Variants in SCAMP2 observed in about 807,000 individuals in gnomAD.
SCAMP2 encodes secretory carrier membrane protein 2.
A neutral mutation model predicts 44.1 loss-of-function variants in SCAMP2; 25 were observed. The observed-to-expected ratio is 0.57, with a 90% CI of 0.41 to 0.79. The LOEUF (loss-of-function observed/expected upper bound fraction) is 0.79, where lower values mean the gene tolerates loss of function less well. Ranked by LOEUF, SCAMP2 falls within the 30% of genes least tolerant of loss-of-function variation. The pLI is 0.00. For missense variants in SCAMP2, 355 were observed against 411.0 expected (o/e 0.86, Z 1.18); for synonymous variants, 156 against 166.0 (o/e 0.94, Z 0.46).
At chr15:74,857,293 A>G (rs1268549122) in intron 1 of SCAMP2, among the ~76,000 whole-genome samples, 2 of 152,220 alleles carry the variant, frequency 1.3e-5, no homozygotes, top group African/African-American at 4.8e-5. Context: ...CAACTTGGAC[A>G]AAGTGACAAG....
At chr15:74,848,332 T>C in intron 7 of SCAMP2, 1 of 306,650 alleles carries the variant, frequency 3.3e-6, no homozygotes, top group Non-Finnish European at 6.0e-6. Flanking sequence ...CCTCCCAAAG[T>C]ACTGGGATTC....
intron 7 of SCAMP2, 194 bp downstream of exon 7, chr15:74,848,405 GA>G (rs575795465): frequency 2.0e-4 from 99 of 492,092 alleles, no homozygotes; most frequent in South Asian, 3.8e-4. Context: ...GTATCAAGGA[GA>G]AAAAAAAAGT....
At chr15:74,865,074 CAAAAAAAAAAAA>C (rs36079981) in intron 1 of SCAMP2, among the ~76,000 whole-genome samples, 1 of 32,814 alleles carries the variant, frequency 3.0e-5, no homozygotes, top group African/African-American at 1.4e-4. Flanking sequence ...GACTCTATCT[CAAAAAAAAAAAA>C]AAAAAAAAAA....
At chr15:74,855,868 C>T (rs113664084) in intron 1 of SCAMP2, among the ~76,000 whole-genome samples, 7,624 of 152,066 alleles carry the variant, frequency 0.05, 246 homozygotes, top group Non-Finnish European at 0.074. Flanking sequence ...TTCTGGGTTT[C>T]GGGGGTTTTT....
intron 1 of SCAMP2, among the ~76,000 whole-genome samples, chr15:74,861,625 A>T (rs952024502): frequency 2.6e-5 from 4 of 152,168 alleles, no homozygotes; most frequent in East Asian, 1.9e-4. Context: ...CTGGTCGGGC[A>T]TGGTGGCTCA....
chr15:74,858,489 T>C (rs926247169), intron 1 of SCAMP2, among the ~76,000 whole-genome samples: 1 of 152,146 alleles, frequency 6.6e-6, no homozygotes, highest in Non-Finnish European at 1.5e-5. Flanking sequence ...GCTCCTCATT[T>C]AACCCTCACA....
intron 1 of SCAMP2, among the ~76,000 whole-genome samples, chr15:74,865,950 C>A (rs935781438): frequency 5.5e-5 from 2 of 36,462 alleles, no homozygotes; most frequent in Non-Finnish European, 8.8e-5. Context: ...GACTCTGTCT[C>A]GAAGGAAGGA....
Position 74,852,221 on chromosome 15 carries a change from AC to A in SCAMP2, c.226-36del, listed in dbSNP as rs769062680. The A allele has an allele frequency of 3.6e-6, 5 of 1,399,244 alleles. No individual in the cohort carries two copies. The African/African-American group carries it at 7.4e-5, about 21-fold the overall frequency. 86.7% of individuals were successfully genotyped at this position (1,399,244 alleles called of 1,614,324 possible). ...ACAGGGGAGGTACAGGGACAGCCAGACACAACAAACAGAAACAGTGTCAGCC... is the reference window on the plus strand; with the variant it reads ...ACAGGGGAGGTACAGGGACAGCCAGAACAACAAACAGAAACAGTGTCAGCC... On this transcript the variant is annotated intron_variant, in intron 3 of 8. Coordinates refer to ENST00000268099, the MANE Select transcript of SCAMP2 (RefSeq NM_005697.5).
chr15:74,851,953 A>C, intron 4 of SCAMP2, 116 bp downstream of exon 4: 1 of 618,192 alleles, frequency 1.6e-6, no homozygotes, highest in Admixed American at 2.9e-5. Flanking sequence ...TGATGAGAAG[A>C]GCCCCACAAA....
chr15:74,850,230 G>C (rs947155705), intron 6 of SCAMP2, among the ~76,000 whole-genome samples: 2 of 152,160 alleles, frequency 1.3e-5, no homozygotes, highest in Non-Finnish European at 2.9e-5. Context: ...CCCAGTAACG[G>C]CATCAGCCAG....
chr15:74,849,293 C>CA (rs1482485582), intron 6 of SCAMP2, among the ~76,000 whole-genome samples: 1 of 152,130 alleles, frequency 6.6e-6, no homozygotes, highest in Non-Finnish European at 1.5e-5. Flanking sequence ...ACTAAAAACA[C>CA]AAAAATTAGC....
chr15:74,858,158 G>C (rs2064479038), intron 1 of SCAMP2, among the ~76,000 whole-genome samples: 1 of 152,136 alleles, frequency 6.6e-6, no homozygotes, highest in African/African-American at 2.4e-5. Context: ...GAGGGACTGG[G>C]GAAGGAAGCT....
At chr15:74,859,363 C>T (rs529426812) in intron 1 of SCAMP2, among the ~76,000 whole-genome samples, 1 of 152,252 alleles carries the variant, frequency 6.6e-6, no homozygotes, top group African/African-American at 2.4e-5. Flanking sequence ...CAAGTGGGCA[C>T]CCCCTGAAGG....
intron 5 of SCAMP2, among the ~76,000 whole-genome samples, 198 bp from the exon 6 acceptor site, chr15:74,850,871 G>A (rs1318649538): frequency 6.6e-6 from 1 of 152,176 alleles, no homozygotes; most frequent in African/African-American, 2.4e-5. Flanking sequence ...ATCAAACTAC[G>A]TTCCTGAGAG....
intron 1 of SCAMP2, among the ~76,000 whole-genome samples, chr15:74,865,555 T>C (rs2064536916): frequency 1.3e-5 from 2 of 150,990 alleles, no homozygotes; most frequent in African/African-American, 4.9e-5. Flanking sequence ...GTTGGAAGGA[T>C]TGGGAAGGTG....
At chr15:74,859,338 A>G (rs1442409585) in intron 1 of SCAMP2, among the ~76,000 whole-genome samples, 6 of 152,240 alleles carry the variant, frequency 3.9e-5, no homozygotes, top group Admixed American at 3.9e-4. Flanking sequence ...GGAGTCCACA[A>G]TCTGGTATCT....
At chr15:74,866,549 G>T in intron 1 of SCAMP2, among the ~76,000 whole-genome samples, 1 of 151,906 alleles carries the variant, frequency 6.6e-6, no homozygotes, top group East Asian at 1.9e-4. Context: ...CCACCTCTAC[G>T]AAAAATACAA....
At chr15:74,856,264 CTTT>C (rs34812536) in intron 1 of SCAMP2, among the ~76,000 whole-genome samples, 8 of 60,416 alleles carry the variant, frequency 1.3e-4, no homozygotes, top group African/African-American at 5.4e-4. Context: ...AGAGCCAGTT[CTTT>C]TTTTTTTTTT....
chr15:74,865,442 G>A (rs2064536141), intron 1 of SCAMP2, among the ~76,000 whole-genome samples: 1 of 151,350 alleles, frequency 6.6e-6, no homozygotes, highest in African/African-American at 2.4e-5. Context: ...ATAAGTGACT[G>A]TGGGAGAGGA....
Sources: gnomAD v4.1 joint callset for allele counts (sites outside exome capture counted in the v4.1 genomes callset) on GRCh38, gnomAD v4.1.1 for gene constraint, MANE v1.5 for transcripts, NCBI Gene and HGNC (gene_info 2026-07-23, HGNC 2026-07-21) for gene names.